The following TMEM132D variants were observed in gnomAD, a reference collection of about 807,000 sequenced individuals.
TMEM132D encodes transmembrane protein 132D.
TMEM132D carries 21 observed loss-of-function variants against 62.3 expected under a neutral mutation model. That is an observed-to-expected ratio of 0.34 (90% confidence interval 0.24 to 0.49). The LOEUF is 0.49. Ranked by LOEUF, TMEM132D falls within the 20% of genes least tolerant of loss-of-function variation. TMEM132D has a pLI of 0.99. For missense variants in TMEM132D, 1,346 were observed against 1,402.8 expected (o/e 0.96, Z 0.65); for synonymous variants, 621 against 575.6 (o/e 1.08, Z -1.13).
chr12:129,681,569 A>G (rs896007472), intron 2 of TMEM132D: 2 of 152,326 alleles, frequency 1.3e-5, no homozygotes, highest in East Asian at 3.9e-4. Context: ...GCTGGCTCAG[A>G]GTTCCAAGAC....
chr12:129,736,360 T>C (rs184078463), intron 1 of TMEM132D, among the ~76,000 whole-genome samples: 43 of 152,326 alleles, frequency 2.8e-4, no homozygotes, highest in African/African-American at 9.9e-4. Flanking sequence ...TGGAGAGAAA[T>C]GTATTTTGTA....
intron 1 of TMEM132D, among the ~76,000 whole-genome samples, chr12:129,791,503 C>T (rs1871400215): frequency 6.6e-6 from 1 of 152,124 alleles, no homozygotes; most frequent in South Asian, 2.1e-4. Context: ...TGTCAAGCAA[C>T]AGAGGTGGTG....
intron 2 of TMEM132D, among the ~76,000 whole-genome samples, chr12:129,577,402 T>TTA (rs987553281): frequency 2.0e-4 from 30 of 148,060 alleles, no homozygotes; most frequent in Non-Finnish European, 3.4e-4. Context: ...ATACATACAA[T>TTA]TATATATATA....
intron 1 of TMEM132D, among the ~76,000 whole-genome samples, chr12:129,765,532 T>C (rs6486506): frequency 0.95 from 142,791 of 150,778 alleles, 67,890 homozygotes; most frequent in Non-Finnish European, 1. Context: ...CGCCATCGCA[T>C]TCCAGCCTGG....
intron 2 of TMEM132D, among the ~76,000 whole-genome samples, chr12:129,600,455 C>T (rs1039642750): frequency 1.3e-5 from 2 of 152,156 alleles, no homozygotes; most frequent in African/African-American, 2.4e-5. Context: ...GGGCTCCTCT[C>T]GTGAATTGCC....
At chr12:129,426,996 G>T (rs1196452213) in intron 3 of TMEM132D, among the ~76,000 whole-genome samples, 1 of 152,174 alleles carries the variant, frequency 6.6e-6, no homozygotes, top group East Asian at 1.9e-4. Context: ...CTTTACTAAA[G>T]CTTAATTTGC....
chr12:129,640,399 T>A (rs1879612746), intron 2 of TMEM132D, among the ~76,000 whole-genome samples: 1 of 152,216 alleles, frequency 6.6e-6, no homozygotes, highest in Non-Finnish European at 1.5e-5. Context: ...ATGGGATGCT[T>A]CTTCTACCCT....
intron 5 of TMEM132D, among the ~76,000 whole-genome samples, chr12:129,139,392 A>T (rs556299585): frequency 2.0e-5 from 3 of 152,334 alleles, no homozygotes; most frequent in African/African-American, 7.2e-5. Flanking sequence ...CGGCCTAACC[A>T]ATCAGACACC....
intron 3 of TMEM132D, among the ~76,000 whole-genome samples, chr12:129,402,489 T>C (rs1871652999): frequency 1.3e-5 from 2 of 152,190 alleles, no homozygotes; most frequent in Non-Finnish European, 2.9e-5. Flanking sequence ...TGAGACTTAC[T>C]TACTTCAGCA....
Position 129,074,884 on chromosome 12 carries a change from C to A in TMEM132D, c.2291G>T (p.Gly764Val), listed in dbSNP as rs759425875. 3.1e-6 allele frequency: 5 copies of A among 1,613,814 alleles called. No individual in the cohort carries two copies. Among genetic ancestry groups the A allele is most frequent in the African/African-American group, 1.3e-5 (1 of 74,814 alleles). Residue 764 changes from glycine to valine, a missense_variant, in exon 9 of 9, where the codon GGC becomes GTC. Transcript: ENST00000422113. ...AACCATTTCCACCTTGACCAGGGTG[C>A]CTTGTCCTTCTGTTTCCGCAGCAAT... ...PIIAAETEGQGTLVKVEMVIS... is the reference protein window; with the variant it reads ...PIIAAETEGQVTLVKVEMVIS...
At chr12:129,116,841 C>T (rs537541874) in intron 5 of TMEM132D, among the ~76,000 whole-genome samples, 44 of 134,180 alleles carry the variant, frequency 3.3e-4, no homozygotes, top group South Asian at 1.2e-3. Context: ...TAGTTTCTTA[C>T]GAAATTAAAC....
chr12:129,574,608 G>C (rs893000461), intron 2 of TMEM132D, among the ~76,000 whole-genome samples: 9 of 151,836 alleles, frequency 5.9e-5, no homozygotes, highest in Admixed American at 2.6e-4. Flanking sequence ...GAGATGTTAT[G>C]AATGCCCTTC....
At chr12:129,800,368 G>C (rs1468143633) in intron 1 of TMEM132D, among the ~76,000 whole-genome samples, 1 of 148,442 alleles carries the variant, frequency 6.7e-6, no homozygotes, top group Non-Finnish European at 1.5e-5. Flanking sequence ...GGTTAAAGCA[G>C]CAAAGGAAAA....
chr12:129,192,430 G>A (rs768438071), intron 5 of TMEM132D, among the ~76,000 whole-genome samples: 1 of 152,134 alleles, frequency 6.6e-6, no homozygotes, highest in Admixed American at 6.5e-5. Context: ...TCTCTTCTTG[G>A]ATCAAAGACC....
At chr12:129,801,704 C>T (rs1248674028) in intron 1 of TMEM132D, among the ~76,000 whole-genome samples, 2 of 151,626 alleles carry the variant, frequency 1.3e-5, no homozygotes. Context: ...CTTTGACGAG[C>T]TGAGAGAAGA....
At chr12:129,549,495 C>A (rs12227229) in intron 2 of TMEM132D, among the ~76,000 whole-genome samples, 3 of 152,076 alleles carry the variant, frequency 2.0e-5, no homozygotes, top group Admixed American at 6.5e-5. Flanking sequence ...ACCCCTTTGG[C>A]TTGGTTCTCA....
intron 1 of TMEM132D, among the ~76,000 whole-genome samples, chr12:129,787,540 A>G (rs1425802997): frequency 6.6e-6 from 1 of 152,226 alleles, no homozygotes; most frequent in Non-Finnish European, 1.5e-5. Context: ...ATTAAATGGA[A>G]AGTAGAAATA....
chr12:129,560,270 CTTTT>C (rs3046687), intron 2 of TMEM132D, among the ~76,000 whole-genome samples: 7 of 146,122 alleles, frequency 4.8e-5, no homozygotes, highest in East Asian at 2.0e-4. Context: ...CTTTTGTTTT[CTTTT>C]TTTTTTTTTT....
At chr12:129,412,301 G>A (rs745361203) in intron 3 of TMEM132D, among the ~76,000 whole-genome samples, 12 of 152,176 alleles carry the variant, frequency 7.9e-5, no homozygotes, top group Non-Finnish European at 1.6e-4. Flanking sequence ...AGAAGGCATC[G>A]CTAGCTGTCT....
Sources: gnomAD v4.1 joint callset for allele counts (sites outside exome capture counted in the v4.1 genomes callset) on GRCh38, gnomAD v4.1.1 for gene constraint, MANE v1.5 for transcripts, NCBI Gene and HGNC (gene_info 2026-07-23, HGNC 2026-07-21) for gene names.